The following MACIR variants were observed in gnomAD, a reference collection of about 807,000 sequenced individuals.
The protein encoded by MACIR is UNC119-binding protein C5orf30.
In MACIR, 4 loss-of-function variants were observed where a neutral mutation model predicts 14.3. The observed-to-expected ratio is 0.28, with a 90% CI of 0.14 to 0.64. The LOEUF (loss-of-function observed/expected upper bound fraction) is 0.64. Among genes scored for constraint, MACIR ranks in the 30% least tolerant of loss-of-function variants. MACIR has a pLI of 0.83. For synonymous variants in MACIR, 101 were observed against 102.4 expected (o/e 0.99, Z 0.08); for missense variants, 228 against 257.6 (o/e 0.89, Z 0.79).
intron 1 of MACIR, among the ~76,000 whole-genome samples, chr5:103,264,829 G>C (rs1341386388): frequency 6.6e-6 from 1 of 152,104 alleles, no homozygotes; most frequent in Non-Finnish European, 1.5e-5. Flanking sequence ...GGTAGGGAAA[G>C]TAATAAAGTT....
At chr5:103,269,458 A>AT (rs1463051172) in intron 2 of MACIR, among the ~76,000 whole-genome samples, 2 of 152,104 alleles carry the variant, frequency 1.3e-5, no homozygotes, top group Admixed American at 1.3e-4. Context: ...TGCTAAAAAA[A>AT]ACAGTGAAAG....
intron 2 of MACIR, among the ~76,000 whole-genome samples, chr5:103,269,595 A>C (rs1283400222): frequency 2.0e-5 from 3 of 152,192 alleles, no homozygotes; most frequent in African/African-American, 7.2e-5. Context: ...AGCTATTTTC[A>C]GAGCTGGTCT....
rs1210054050 is a variant in MACIR, at chr5:103,275,835, AC to A, written c.-23-60del. On this transcript the variant is annotated intron_variant, in intron 2 of 2. Coordinates refer to ENST00000319933, the MANE Select transcript of MACIR (RefSeq NM_033211.4). ...CATGCTCCCTGAGCCTTCTAAAAGG[AC>A]CTGGCCTGGCCCAAGTCTCTGTGCA... 2.1e-6 allele frequency: 3 copies of A among 1,432,964 alleles called. No individual in the cohort carries two copies. In the Admixed American group the frequency reaches 6.5e-5, roughly 31 times the overall value. The allele number at this position is 1,432,964 out of a possible 1,614,324, so 88.8% of individuals were successfully genotyped here.
At chr5:103,261,744 G>T in intron 1 of MACIR, among the ~76,000 whole-genome samples, 1 of 98,780 alleles carries the variant, frequency 1.0e-5, no homozygotes, top group African/African-American at 3.7e-5. Context: ...TCTTGAAAAT[G>T]TTTTGGTGGG....
At chr5:103,259,353 C>T (rs1431703812) in intron 1 of MACIR, 7 of 151,946 alleles carry the variant, frequency 4.6e-5, no homozygotes, top group Admixed American at 1.3e-4. Flanking sequence ...CTCGGCGACC[C>T]GGAGCGCCTC....
At chr5:103,266,368 A>G (rs1257665430) in intron 2 of MACIR, among the ~76,000 whole-genome samples, 2 of 152,188 alleles carry the variant, frequency 1.3e-5, no homozygotes, top group Non-Finnish European at 2.9e-5. Flanking sequence ...TTGCTGAAAT[A>G]ATTTGCAAAA....
intron 1 of MACIR, among the ~76,000 whole-genome samples, chr5:103,262,933 C>T (rs1804780242): frequency 6.6e-6 from 1 of 152,116 alleles, no homozygotes; most frequent in South Asian, 2.1e-4. Context: ...GTGTTTAGAA[C>T]ATTGGCCAAA....
intron 1 of MACIR, among the ~76,000 whole-genome samples, chr5:103,264,444 G>A (rs1804849622): frequency 6.6e-6 from 1 of 152,072 alleles, no homozygotes; most frequent in Non-Finnish European, 1.5e-5. Flanking sequence ...CATTAAATAA[G>A]AAATGCAGAT....
chr5:103,262,529 A>T (rs1804764805), intron 1 of MACIR, among the ~76,000 whole-genome samples: 1 of 152,184 alleles, frequency 6.6e-6, no homozygotes, highest in Admixed American at 6.5e-5. Context: ...ATTCTTATTT[A>T]CCTGTGATAA....
At position 103,278,346 on chromosome 5, in the gene MACIR, A is replaced by G. The variant is rs1805409719; in HGVS notation, c.*1806A>G. ...CTGTGGAACTGTATTATTTCTAACT[A>G]TGAAATAAAGGGGTGATGTAAACAC... On this transcript the variant is annotated 3_prime_UTR_variant, in exon 3 of 3. Coordinates refer to ENST00000319933, the MANE Select transcript of MACIR (RefSeq NM_033211.4). 4.8e-5 allele frequency: 8 copies of G among 166,998 alleles called. No homozygotes were observed. In the Admixed American group the frequency reaches 5.2e-4, roughly 11 times the overall value. The allele number at this position is 166,998 out of a possible 1,614,324, so 10.3% of individuals were successfully genotyped here.
At chr5:103,269,647 C>A (rs1805055011) in intron 2 of MACIR, among the ~76,000 whole-genome samples, 1 of 152,074 alleles carries the variant, frequency 6.6e-6, no homozygotes, top group Admixed American at 6.5e-5. Flanking sequence ...AAATGTTGCT[C>A]TTTGTGCCAA....
intron 2 of MACIR, among the ~76,000 whole-genome samples, chr5:103,271,554 T>G (rs1259436189): frequency 3.3e-5 from 5 of 152,154 alleles, no homozygotes; most frequent in African/African-American, 1.2e-4. Flanking sequence ...TCTGATGTCA[T>G]CTAGTTGGAT....
rs115513421 is a variant in MACIR at position 103,270,594 on chromosome 5, G to A, written c.-24+4597G>A. 5.8e-3 allele frequency among the ~76,000 whole-genome samples: 884 copies of A among 152,194 alleles called. 6 individuals carry two copies. The highest frequency in any genetic ancestry group is 0.02 in the African/African-American group (835 of 41,482). ...CAAGGAAAAACAATCACTTGAGCAG[G>A]TTATTGAGGTAAGAAAAAGATAGAA... On this transcript the variant is annotated intron_variant, in intron 2 of 2. Transcript: ENST00000319933.
intron 2 of MACIR, among the ~76,000 whole-genome samples, chr5:103,267,428 G>A (rs1396643905): frequency 6.6e-6 from 1 of 152,052 alleles, no homozygotes; most frequent in Non-Finnish European, 1.5e-5. Flanking sequence ...TTTTCTCTCT[G>A]TGATTGGTTG....
chr5:103,262,808 C>T (rs1580565083), intron 1 of MACIR, among the ~76,000 whole-genome samples: 1 of 152,126 alleles, frequency 6.6e-6, no homozygotes, highest in Non-Finnish European at 1.5e-5. Context: ...CTATTTACTT[C>T]AGTCTTTGTT....
chr5:103,261,701 TCTTC>T lies in MACIR; in HGVS notation c.-114+2809_-114+2812del, dbSNP rs1255946101. Among the ~76,000 whole-genome samples, 73 of 116,140 alleles carry T rather than the reference TCTTC, an allele frequency of 6.3e-4. 1 individual carries two copies. The highest frequency in any genetic ancestry group is 1.1e-3 in the African/African-American group (31 of 27,616). 76.2% of individuals were successfully genotyped at this position (116,140 alleles called of 152,430 possible). Reference sequence around the variant, plus strand: ...TTCTTTCTTTCTTTCTTTCTTTCTTTCTTCCTTTCTTTCTTTCTTTCTTTCTTTT... The same window carrying T: ...TTCTTTCTTTCTTTCTTTCTTTCTTTCTTTCTTTCTTTCTTTCTTTCTTTT... On this transcript the variant is annotated intron_variant, in intron 1 of 2. Transcript: ENST00000319933.
At chr5:103,273,255 G>C (rs1255678816) in intron 2 of MACIR, among the ~76,000 whole-genome samples, 1 of 151,416 alleles carries the variant, frequency 6.6e-6, no homozygotes, top group Non-Finnish European at 1.5e-5. Flanking sequence ...AACCACATCT[G>C]TATCTTCTAC....
intron 1 of MACIR, 133 bp downstream of exon 1, chr5:103,259,029 C>G (rs1580556834): frequency 6.6e-6 from 1 of 152,538 alleles, no homozygotes; most frequent in Admixed American, 6.5e-5. Flanking sequence ...CGCGGCGCCG[C>G]CCCTTCCTCT....
Position 103,276,764 on chromosome 5 carries a change from A to G in MACIR, c.*224A>G, listed in dbSNP as rs949076131. 10 of 412,318 alleles carry G rather than the reference A, an allele frequency of 2.4e-5. No homozygotes were observed. The highest frequency in any genetic ancestry group is 4.5e-5 in the Non-Finnish European group (10 of 224,252). The allele number at this position is 412,318 out of a possible 1,614,324, so 25.5% of individuals were successfully genotyped here. ...AGCACGCAACTGCAAAGAAAACAGA[A>G]TGTTGACTGTTAGTTTGTATAGCTT... On this transcript the variant is annotated 3_prime_UTR_variant, in exon 3 of 3. Coordinates refer to ENST00000319933, the MANE Select transcript of MACIR (RefSeq NM_033211.4).
Sources: gnomAD v4.1 joint callset for allele counts (sites outside exome capture counted in the v4.1 genomes callset) on GRCh38, gnomAD v4.1.1 for gene constraint, MANE v1.5 for transcripts, NCBI Gene and HGNC (gene_info 2026-07-23, HGNC 2026-07-21) for gene names.